Variants in PGM5 observed in about 807,000 individuals in gnomAD.
PGM5 encodes the protein phosphoglucomutase-like protein 5.
Under a neutral mutation model 59.2 loss-of-function variants are expected in PGM5, and 23 were observed. That is an observed-to-expected ratio of 0.39 (90% CI 0.28 to 0.55). PGM5 has a LOEUF of 0.55. Ranked by LOEUF, PGM5 falls within the 20% of genes least tolerant of loss-of-function variation. The probability of loss-of-function intolerance (pLI) is 0.66; values close to 1 mark genes in which losing one functional copy is unlikely to be tolerated. For missense variants in PGM5, 574 were observed against 748.3 expected (o/e 0.77, Z 2.72); for synonymous variants, 214 against 286.0 (o/e 0.75, Z 2.54).
chr9:68,434,316 C>CA (rs71353054), intron 6 of PGM5, among the ~76,000 whole-genome samples: 2,299 of 90,578 alleles, frequency 0.025, 77 homozygotes, highest in Non-Finnish European at 0.03. Context: ...GACTCCGTCT[C>CA]AAAAAAAAAA....
chr9:68,424,105 G>A (rs1257684516), intron 6 of PGM5, among the ~76,000 whole-genome samples: 1 of 152,142 alleles, frequency 6.6e-6, no homozygotes, highest in Admixed American at 6.6e-5. Flanking sequence ...CATGATGAAC[G>A]AGGAAGGTAA....
At chr9:68,473,074 G>A (rs1554686372) in intron 7 of PGM5, among the ~76,000 whole-genome samples, 3 of 152,114 alleles carry the variant, frequency 2.0e-5, no homozygotes, top group African/African-American at 7.2e-5. Flanking sequence ...TTTGAGAAAT[G>A]AAAATCAATC....
chr9:68,500,732 C>T (rs569776403), intron 10 of PGM5, among the ~76,000 whole-genome samples: 7 of 152,298 alleles, frequency 4.6e-5, no homozygotes, highest in Admixed American at 1.3e-4. Flanking sequence ...TCCAGAGCTA[C>T]GTACGTGAGG....
chr9:68,521,247 T>C (rs902001414), intron 10 of PGM5, among the ~76,000 whole-genome samples: 3 of 152,232 alleles, frequency 2.0e-5, no homozygotes, highest in East Asian at 1.9e-4. Context: ...ATACATGAAT[T>C]TGGAATAGCA....
chr9:68,504,172 T>A (rs1371185216), intron 10 of PGM5, among the ~76,000 whole-genome samples: 2 of 152,226 alleles, frequency 1.3e-5, no homozygotes, highest in Non-Finnish European at 2.9e-5. Context: ...CTATTTCTGT[T>A]GCTTATTGGA....
In PGM5 at chr9:68,381,171, C is replaced by T. The variant is rs537082573; in HGVS notation, c.424+2810C>T. On this transcript the variant is annotated intron_variant, in intron 2 of 10. Transcript: ENST00000396396. The stretch of plus-strand genomic sequence containing the variant: ...GGCCAATATCTCTGATAAATATTGA[C>T]GAAAACCAAATTCAACAACACATTA... 2.4e-3 allele frequency among the ~76,000 whole-genome samples: 363 copies of T among 151,714 alleles called. 1 individual carries two copies. The highest frequency in any genetic ancestry group is 3.3e-3 in the Non-Finnish European group (223 of 67,690).
chr9:68,405,844 C>G (rs1263311506), intron 6 of PGM5: 1 of 152,200 alleles, frequency 6.6e-6, no homozygotes, highest in African/African-American at 2.4e-5. Flanking sequence ...TTTCCTTTAG[C>G]AAACTTCACT....
chr9:68,506,532 T>G (rs1032594523), intron 10 of PGM5, among the ~76,000 whole-genome samples: 11 of 152,194 alleles, frequency 7.2e-5, no homozygotes, highest in African/African-American at 2.7e-4. Context: ...AATAGCGTCT[T>G]AAAAACAACC....
rs577451200 is a variant in PGM5 at position 68,361,615 on chromosome 9, C to T, written c.261+4227C>T. Among the ~76,000 whole-genome samples, 795 of 152,294 alleles carry T rather than the reference C, an allele frequency of 5.2e-3. 4 individuals carry two copies. Among genetic ancestry groups the T allele is most frequent in the African/African-American group, 0.017 (715 of 41,546 alleles). On this transcript the variant is annotated intron_variant, in intron 1 of 10. Transcript: ENST00000396396. Reference sequence around the variant, plus strand: ...TTCATAGATTGGCCTTCTTGCTGGGCCCTCACATAGTGGGAGAGACTAGCT... The same window carrying T: ...TTCATAGATTGGCCTTCTTGCTGGGTCCTCACATAGTGGGAGAGACTAGCT...
At chr9:68,405,338 T>G (rs1375288104) in intron 6 of PGM5, 1 of 152,330 alleles carries the variant, frequency 6.6e-6, no homozygotes, top group Non-Finnish European at 1.5e-5. Context: ...CTTTCTTTTT[T>G]CCTTCCAGAA....
rs782761644 is a variant in PGM5, at chr9:68,391,532, A to G, written c.698-2A>G. 5.0e-6 allele frequency: 8 copies of G among 1,612,900 alleles called. No homozygotes were observed. In the South Asian group the frequency reaches 7.7e-5, roughly 15 times the overall value. On this transcript the variant is annotated splice_acceptor_variant, in intron 4 of 10. Coordinates refer to ENST00000396396, the MANE Select transcript of PGM5 (RefSeq NM_021965.4). LOFTEE classifies it high-confidence loss of function. ...TTAATATTGCTGTGTATCTATTTTT[A>G]GTTATGGGACCTTATGTGAGAAAAG...
intron 6 of PGM5, among the ~76,000 whole-genome samples, chr9:68,422,127 G>A (rs1554682386): frequency 6.6e-6 from 1 of 151,568 alleles, no homozygotes; most frequent in Non-Finnish European, 1.5e-5. Flanking sequence ...TATATATTAA[G>A]AGACCTTACT....
At chr9:68,404,638 A>C (rs1822755927) in intron 6 of PGM5, among the ~76,000 whole-genome samples, 1 of 152,332 alleles carries the variant, frequency 6.6e-6, no homozygotes, top group Non-Finnish European at 1.5e-5. Flanking sequence ...CAGTCATCTC[A>C]TCTCTGATCA....
At chr9:68,492,758 T>C (rs1218104288) in intron 9 of PGM5, among the ~76,000 whole-genome samples, 1 of 152,218 alleles carries the variant, frequency 6.6e-6, no homozygotes, top group Non-Finnish European at 1.5e-5. Context: ...GCTAACTCTA[T>C]GAATTATTAA....
At chr9:68,376,833 C>CTTTCTTTCTTTGTT (rs1461144548) in intron 1 of PGM5, among the ~76,000 whole-genome samples, 6 of 77,914 alleles carry the variant, frequency 7.7e-5, no homozygotes, top group African/African-American at 3.3e-4. Context: ...TTCTTTCTTT[C>CTTTCTTTCTTTGTT]TCTTTCTTTC....
At chr9:68,430,994 C>T (rs1348648648) in intron 6 of PGM5, among the ~76,000 whole-genome samples, 5 of 152,204 alleles carry the variant, frequency 3.3e-5, no homozygotes, top group African/African-American at 1.2e-4. Context: ...GTCATACCCA[C>T]CTTTTCCTCT....
At chr9:68,377,854 T>A (rs1422506712) in intron 1 of PGM5, among the ~76,000 whole-genome samples, 5 of 152,160 alleles carry the variant, frequency 3.3e-5, no homozygotes, top group African/African-American at 9.7e-5. Context: ...CATGTCCACA[T>A]GCATAGTTTC....
chr9:68,455,409 G>T (rs1007699439), intron 6 of PGM5, among the ~76,000 whole-genome samples: 2 of 151,824 alleles, frequency 1.3e-5, no homozygotes, highest in Non-Finnish European at 2.9e-5. Flanking sequence ...ACCCAGGACT[G>T]ATGAATTCTT....
At chr9:68,404,606 G>A (rs1822755403) in intron 6 of PGM5, among the ~76,000 whole-genome samples, 1 of 152,208 alleles carries the variant, frequency 6.6e-6, no homozygotes, top group Admixed American at 6.5e-5. Context: ...ACAGGTGAGG[G>A]TGGAATCCAG....
Sources: gnomAD v4.1 joint callset for allele counts (sites outside exome capture counted in the v4.1 genomes callset) on GRCh38, gnomAD v4.1.1 for gene constraint, MANE v1.5 for transcripts, NCBI Gene and HGNC (gene_info 2026-07-23, HGNC 2026-07-21) for gene names.